The following CUBN variants were observed in gnomAD, a reference collection of about 807,000 sequenced individuals.
CUBN encodes 460 kDa receptor.
A neutral mutation model predicts 405.3 loss-of-function variants in CUBN; 282 were observed. The observed-to-expected ratio is 0.70, with a 90% CI of 0.63 to 0.77. CUBN has a LOEUF of 0.77. CUBN is among the 30% of genes least tolerant of loss of function. The pLI, the probability that CUBN is intolerant of heterozygous loss-of-function variation, is 0.00. For missense variants in CUBN, 4,514 were observed against 4,475.2 expected, an observed-to-expected ratio of 1.01 and a Z score of -0.25; for synonymous variants, 1,684 against 1,617.0, an observed-to-expected ratio of 1.04 and a Z score of -0.99.
At chr10:16,948,433 C>T in intron 35 of CUBN, 45 bp downstream of exon 35, 7 of 1,611,960 alleles carry the variant, frequency 4.3e-6, no homozygotes, top group Non-Finnish European at 5.9e-6. Flanking sequence ...AGAATTTCTA[C>T]CACATCCCTT....
intron 53 of CUBN, among the ~76,000 whole-genome samples, chr10:16,899,990 C>T (rs1040819675): frequency 2.6e-5 from 4 of 152,172 alleles, no homozygotes; most frequent in Admixed American, 6.5e-5. Context: ...AGAATTTTCA[C>T]AATGTTTATA....
At chr10:16,882,140 G>C (rs770094974) in intron 56 of CUBN, among the ~76,000 whole-genome samples, 1 of 152,154 alleles carries the variant, frequency 6.6e-6, no homozygotes, top group African/African-American at 2.4e-5. Context: ...TATCACAGTT[G>C]AGTTTATGAC....
chr10:17,074,992 T>G (rs1193047686), intron 17 of CUBN, among the ~76,000 whole-genome samples: 1 of 151,926 alleles, frequency 6.6e-6, no homozygotes, highest in Non-Finnish European at 1.5e-5. Context: ...GAAATAACAT[T>G]TAAGCGGAGA....
At chr10:16,951,287 A>C (rs1407862778) in intron 33 of CUBN, among the ~76,000 whole-genome samples, 1 of 152,182 alleles carries the variant, frequency 6.6e-6, no homozygotes, top group African/African-American at 2.4e-5. Context: ...CGGCTGCCAC[A>C]TCTTATGCAT....
chr10:16,970,548 C>G (rs928294367), intron 31 of CUBN, among the ~76,000 whole-genome samples: 1 of 146,602 alleles, frequency 6.8e-6, no homozygotes, highest in Non-Finnish European at 1.5e-5. Context: ...TGCACTCCAG[C>G]CTGGGCAACA....
rs778325949 is a variant in CUBN at position 16,890,492 on chromosome 10, C to G, written c.8634G>C (p.Leu2878=). 4 of 1,614,178 alleles carry G rather than the reference C, an allele frequency of 2.5e-6. No homozygotes were observed. The South Asian group carries it at 4.4e-5, about 18-fold the overall frequency. ...CCACGTTCCCACAGCCAGTGGCTAG[C>G]AGGGCTTTGTCCACCTCCTCAGTTC... ...WAGTEEVDKA[L]LATGCGNVAP... is the part of the protein sequence containing the mutation. Residue 2878 remains leucine, a synonymous_variant, in exon 55 of 67, where the codon CTG becomes CTC. Transcript: ENST00000377833.
intron 28 of CUBN, among the ~76,000 whole-genome samples, chr10:17,007,986 C>T (rs1327400603): frequency 6.6e-6 from 1 of 152,042 alleles, no homozygotes; most frequent in Non-Finnish European, 1.5e-5. Context: ...AACCCTATCT[C>T]TACAAAAAAT....
chr10:17,122,737 G>T, intron 6 of CUBN, 58 bp downstream of exon 6: 1 of 979,276 alleles, frequency 1.0e-6, no homozygotes, highest in East Asian at 2.4e-5. Flanking sequence ...TTAACTATGG[G>T]ATGTTTTAGG....
intron 27 of CUBN, 50 bp downstream of exon 27, chr10:17,040,983 T>A: frequency 6.5e-7 from 1 of 1,542,142 alleles, no homozygotes; most frequent in Non-Finnish European, 9.0e-7. Flanking sequence ...ACTTGACACA[T>A]CTCCCTTGAT....
chr10:16,931,499 C>T (rs892191186), intron 40 of CUBN, among the ~76,000 whole-genome samples: 1 of 152,190 alleles, frequency 6.6e-6, no homozygotes, highest in South Asian at 2.1e-4. Flanking sequence ...TGTTTTGGCA[C>T]GCACCTGAGT....
intron 13 of CUBN, among the ~76,000 whole-genome samples, chr10:17,102,169 T>G (rs1836507375): frequency 1.3e-5 from 2 of 152,174 alleles, no homozygotes; most frequent in South Asian, 4.1e-4. Flanking sequence ...ATTCAACTAT[T>G]ACAATTACAA....
intron 53 of CUBN, among the ~76,000 whole-genome samples, chr10:16,899,684 A>G (rs535419875): frequency 6.6e-6 from 1 of 152,330 alleles, no homozygotes; most frequent in Admixed American, 6.5e-5. Context: ...GATGGATCAA[A>G]ATTAATTATG....
chr10:16,955,240 G>T (rs1414950747), intron 31 of CUBN, among the ~76,000 whole-genome samples: 1 of 151,922 alleles, frequency 6.6e-6, no homozygotes, highest in African/African-American at 2.4e-5. Flanking sequence ...AGGTGTGGTG[G>T]TGTGCACCTG....
intron 48 of CUBN, among the ~76,000 whole-genome samples, chr10:16,910,172 C>T (rs1841685441): frequency 6.6e-6 from 1 of 150,852 alleles, no homozygotes; most frequent in African/African-American, 2.4e-5. Flanking sequence ...TATTGTTCTT[C>T]TTTTTTTCTC....
chr10:17,102,015 T>C (rs1836503352), intron 13 of CUBN, among the ~76,000 whole-genome samples: 1 of 152,148 alleles, frequency 6.6e-6, no homozygotes, highest in Non-Finnish European at 1.5e-5. Context: ...AACATAAAAC[T>C]AAGCAACCAT....
At chr10:17,008,429 C>CGTGTGTGT (rs59235819) in intron 28 of CUBN, among the ~76,000 whole-genome samples, 10,709 of 131,304 alleles carry the variant, frequency 0.082, 613 homozygotes, top group East Asian at 0.25. Context: ...AATCCCTGCT[C>CGTGTGTGT]GTGTGTGTGT....
In CUBN at chr10:16,940,771, A is replaced by G. The variant is rs117118814; in HGVS notation, c.5343-534T>C. Among the ~76,000 whole-genome samples, 892 of 152,264 alleles carry G rather than the reference A, an allele frequency of 5.9e-3. 7 individuals are homozygous for G. Among genetic ancestry groups the G allele is most frequent in the Middle Eastern group, 0.014 (4 of 294 alleles). ...TTAAAACACTGAGTACCTCTAAGAC[A>G]TGGTGTGGGTTGGCTGAAGGTAAAT... On this transcript the variant is annotated intron_variant, in intron 36 of 66. Coordinates refer to ENST00000377833, the MANE Select transcript of CUBN (RefSeq NM_001081.4).
chr10:16,835,075 G>T lies in CUBN; in HGVS notation c.10301C>A (p.Ser3434Tyr). The T allele has an allele frequency of 2.5e-6, 4 of 1,614,166 alleles. No individual in the cohort carries two copies. The highest frequency in any genetic ancestry group is 3.4e-6 in the Non-Finnish European group (4 of 1,180,018). ...GATGCCAAGTGAATGAAAAAAGAGG[G>T]AAATGGTGTGGTTCTGGGGGGCTGT... ...TLTAPQNHTI[S>Y]LFFHSLGIEN... The change falls in exon 64 of 67, where the codon TCC becomes TAC. Residue 3434 changes from serine to tyrosine, a missense_variant. Ser to Tyr is a moderately radical substitution (Grantham distance 144). Coordinates refer to ENST00000377833, the MANE Select transcript of CUBN (RefSeq NM_001081.4).
At chr10:17,061,218 T>TA (rs1835498755) in intron 22 of CUBN, among the ~76,000 whole-genome samples, 1 of 152,210 alleles carries the variant, frequency 6.6e-6, no homozygotes, top group South Asian at 2.1e-4. Flanking sequence ...CATGAGCAGT[T>TA]ACAGTCCAAT....
Sources: gnomAD v4.1 joint callset for allele counts (sites outside exome capture counted in the v4.1 genomes callset) on GRCh38, gnomAD v4.1.1 for gene constraint, MANE v1.5 for transcripts, NCBI Gene and HGNC (gene_info 2026-07-23, HGNC 2026-07-21) for gene names.